The following IL21R variants were observed in gnomAD, a reference collection of about 807,000 sequenced individuals.
IL21R encodes the protein interleukin 21 receptor.
A neutral mutation model predicts 41.3 loss-of-function variants in IL21R; 14 were observed. The observed-to-expected ratio is 0.34, with a 90% CI of 0.22 to 0.53. The LOEUF (loss-of-function observed/expected upper bound fraction) is 0.53, where lower values mean the gene tolerates loss of function less well. Ranked by LOEUF, IL21R falls within the 20% of genes least tolerant of loss-of-function variation. The pLI, the probability that IL21R is intolerant of heterozygous loss-of-function variation, is 0.94. For missense variants in IL21R, 588 were observed against 681.6 expected (o/e 0.86, Z 1.53); for synonymous variants, 286 against 287.6 (o/e 0.99, Z 0.05).
rs1333381624 is a variant in IL21R at position 27,445,974 on chromosome 16, T to C, written c.786-33T>C. 5 of 1,552,300 alleles carry C rather than the reference T, an allele frequency of 3.2e-6. No individual in the cohort carries two copies. The South Asian group carries it at 5.7e-5, about 18-fold the overall frequency. On this transcript the variant is annotated intron_variant, in intron 7 of 8. Transcript: ENST00000337929. ...GGGAGGCCAGGCTGCCCTCTGGTGA[T>C]GTCAGGGTCCTCACCCCTCTCTGCC...
Position 27,450,010 on chromosome 16 carries a change from G to C in IL21R, c.*727G>C, listed in dbSNP as rs1465193022. 1 of 232,754 alleles carries C rather than the reference G, an allele frequency of 4.3e-6. No individual in the cohort carries two copies. The highest frequency in any genetic ancestry group is 8.5e-6 in the Non-Finnish European group (1 of 117,832). The allele number at this position is 232,754 out of a possible 1,614,324, so 14.4% of individuals were successfully genotyped here. A position where few individuals can be genotyped will look rare whatever the true frequency, so the allele number is the denominator to read the frequency against. ...AGGCATGACACACCTGGGGGAAATT[G>C]GCGATGTCACCCGTGTACGGTACGC... is the stretch of plus-strand genomic sequence containing the variant. On this transcript the variant is annotated 3_prime_UTR_variant, in exon 9 of 9. Coordinates refer to ENST00000337929, the MANE Select transcript of IL21R (RefSeq NM_181078.3).
At chr16:27,423,914 C>G (rs1417666054) in intron 1 of IL21R, among the ~76,000 whole-genome samples, 1 of 152,134 alleles carries the variant, frequency 6.6e-6, no homozygotes, top group Admixed American at 6.5e-5. Context: ...AAACTTTTTA[C>G]CAGACCAGTT....
At chr16:27,440,299 G>T (rs1472928576) in intron 4 of IL21R, among the ~76,000 whole-genome samples, 2 of 129,322 alleles carry the variant, frequency 1.5e-5, no homozygotes, top group African/African-American at 6.2e-5. Flanking sequence ...CGCGCGCCAG[G>T]GTGTAGCTTT....
intron 1 of IL21R, among the ~76,000 whole-genome samples, chr16:27,408,114 C>T (rs2086775471): frequency 6.6e-6 from 1 of 152,160 alleles, no homozygotes; most frequent in Non-Finnish European, 1.5e-5. Context: ...CTGTCCCTGC[C>T]TAGATGGTGC....
chr16:27,427,309 A>G, intron 1 of IL21R: 1 of 985,646 alleles, frequency 1.0e-6, no homozygotes, highest in Non-Finnish European at 1.2e-6. Flanking sequence ...CCGGGCAGGC[A>G]GAAGCAGCAG....
chr16:27,446,655 C>T (rs1014080766), intron 8 of IL21R, among the ~76,000 whole-genome samples: 4 of 152,064 alleles, frequency 2.6e-5, no homozygotes, highest in Non-Finnish European at 5.9e-5. Context: ...CCCAAGGAAC[C>T]AGACTGGGAT....
At chr16:27,436,923 A>G (rs2087280664) in intron 3 of IL21R, among the ~76,000 whole-genome samples, 1 of 152,078 alleles carries the variant, frequency 6.6e-6, no homozygotes, top group African/African-American at 2.4e-5. Context: ...AAATACAAAA[A>G]GTTAGCTGGG....
Position 27,446,025 on chromosome 16 carries a change from G to A in IL21R, c.804G>A (p.Trp268Ter). Residue 268 changes from tryptophan to a stop codon, truncating the protein, a stop_gained, in exon 8 of 9, where the codon TGG becomes TGA. Coordinates refer to ENST00000337929, the MANE Select transcript of IL21R (RefSeq NM_181078.3). LOFTEE classifies it high-confidence loss of function. ...CCCTCAGGCTATGGAAGAAGATATG[G>A]GCCGTCCCCAGCCCTGAGCGGTTCT... ...HPLWRLWKKI[W>*]AVPSPERFFM... 6.2e-7 allele frequency: 1 copy of A among 1,613,220 alleles called. No homozygotes were observed. Among genetic ancestry groups the A allele is most frequent in the Non-Finnish European group, 8.5e-7 (1 of 1,179,602 alleles).
At chr16:27,418,900 TA>T (rs200350872) in intron 1 of IL21R, among the ~76,000 whole-genome samples, 6,621 of 69,632 alleles carry the variant, frequency 0.095, 201 homozygotes, top group Middle Eastern at 0.18. Context: ...TTTTTTTACT[TA>T]AAAAAATTTT....
rs2141318837 is a variant in IL21R, at chr16:27,448,694, C to G, written c.1028C>G (p.Ser343Cys). ...ELQEPAELVE[S>C]DGVPKPSFWP... is the part of the protein sequence containing the mutation. ...CAAGAACCAGCAGAGCTGGTGGAGT[C>G]TGACGGTGTGCCCAAGCCCAGCTTC... The change falls in exon 9 of 9, where the codon TCT becomes TGT. Residue 343 changes from serine (S) to cysteine (C), a missense_variant. Transcript: ENST00000337929. 1 of 1,613,252 alleles carries G rather than the reference C, an allele frequency of 6.2e-7. No individual in the cohort carries two copies. Among genetic ancestry groups the G allele is most frequent in the Non-Finnish European group, 8.5e-7 (1 of 1,180,016 alleles).
chr16:27,409,983 C>T (rs912420552), intron 1 of IL21R, among the ~76,000 whole-genome samples: 1 of 152,046 alleles, frequency 6.6e-6, no homozygotes, highest in Non-Finnish European at 1.5e-5. Flanking sequence ...TATGTACCAC[C>T]ACTTATTTAT....
intron 1 of IL21R, among the ~76,000 whole-genome samples, chr16:27,403,840 C>T (rs78561566): frequency 0.048 from 7,283 of 152,288 alleles, 245 homozygotes; most frequent in South Asian, 0.11. Context: ...CCAGTGCCAA[C>T]TCACCATGTT....
At position 27,449,189 on chromosome 16, in the gene IL21R, C is replaced by T. The variant is rs2141320324; in HGVS notation, c.1523C>T (p.Thr508Ile). The change falls in exon 9 of 9, where the codon ACC becomes ATC. Residue 508 changes from threonine to isoleucine, a missense_variant. Coordinates refer to ENST00000337929, the MANE Select transcript of IL21R (RefSeq NM_181078.3). ...DCSSPVECDF[T>I]SPGDEGPPRS... ...AGCAGCCCTGTGGAGTGTGACTTCACCAGCCCCGGGGACGAAGGACCCCCC... is the reference window on the plus strand; with the variant it reads ...AGCAGCCCTGTGGAGTGTGACTTCATCAGCCCCGGGGACGAAGGACCCCCC... 1 of 1,613,046 alleles carries T rather than the reference C, an allele frequency of 6.2e-7. No homozygotes were observed. The highest frequency in any genetic ancestry group is 8.5e-7 in the Non-Finnish European group (1 of 1,179,998).
chr16:27,437,263 A>AC (rs1371874606), intron 3 of IL21R, among the ~76,000 whole-genome samples: 1 of 152,136 alleles, frequency 6.6e-6, no homozygotes, highest in Non-Finnish European at 1.5e-5. Flanking sequence ...GGCCCCTGGG[A>AC]GGTGTGCAAG....
At chr16:27,432,299 C>A (rs3093311) in intron 2 of IL21R, among the ~76,000 whole-genome samples, 1,959 of 152,318 alleles carry the variant, frequency 0.013, 44 homozygotes, top group African/African-American at 0.045. Context: ...GCAGTGTCTC[C>A]GGCTTACACA....
chr16:27,426,561 C>A (rs1179488359), intron 1 of IL21R, among the ~76,000 whole-genome samples: 1 of 152,216 alleles, frequency 6.6e-6, no homozygotes, highest in African/African-American at 2.4e-5. Flanking sequence ...CATGACGAAG[C>A]CTGGGCTGCC....
In IL21R at chr16:27,448,520, T is replaced by C. The variant is rs775842281; in HGVS notation, c.868-14T>C. 9 of 1,580,376 alleles carry C rather than the reference T, an allele frequency of 5.7e-6. No individual in the cohort carries two copies. In the East Asian group the frequency reaches 1.8e-4, roughly 32 times the overall value. ...TCATCCTGTGCTATGACTCTCTCTT[T>C]TTCTCTCTCACAGAAATGGGTGGGT... On this transcript the variant is annotated splice_polypyrimidine_tract_variant and intron_variant, in intron 8 of 8. Transcript: ENST00000337929.
intron 5 of IL21R, 137 bp downstream of exon 5, chr16:27,443,253 T>G: frequency 1.5e-6 from 1 of 682,438 alleles, no homozygotes; most frequent in Non-Finnish European, 2.3e-6. Context: ...GAGCACTCCC[T>G]TACAGCGGGC....
intron 1 of IL21R, among the ~76,000 whole-genome samples, chr16:27,421,318 T>C: frequency 7.6e-6 from 1 of 131,972 alleles, no homozygotes; most frequent in Non-Finnish European, 1.5e-5. Context: ...ATTTTAGGAC[T>C]AGTTTGTCAA....
Sources: gnomAD v4.1 joint callset for allele counts (sites outside exome capture counted in the v4.1 genomes callset) on GRCh38, gnomAD v4.1.1 for gene constraint, MANE v1.5 for transcripts, NCBI Gene and HGNC (gene_info 2026-07-23, HGNC 2026-07-21) for gene names.